Variants in DOCK7 observed in about 807,000 individuals in gnomAD.
The protein encoded by DOCK7 is dedicator of cytokinesis protein 7.
Under a neutral mutation model 271.0 loss-of-function variants are expected in DOCK7, and 138 were observed. That is an observed-to-expected ratio of 0.51 (90% CI 0.44 to 0.59). The LOEUF is 0.59. Among genes scored for constraint, DOCK7 ranks in the 20% least tolerant of loss-of-function variants. The pLI is 0.00. For missense variants in DOCK7, 2,066 were observed against 2,592.4 expected (o/e 0.80, Z 4.41); for synonymous variants, 823 against 876.1 (o/e 0.94, Z 1.07).
rs1287642780 is a variant in DOCK7, at chr1:62,664,222, C to T, written c.39-1092G>A. ...GTAGAAATAGGGTGATATGGTTTAA[C>T]TGTGTCCCCACCCAAATCTCATCTT... On this transcript the variant is annotated intron_variant, in intron 1 of 49. Coordinates refer to ENST00000635253, the MANE Select transcript of DOCK7 (RefSeq NM_001367561.1). Among the ~76,000 whole-genome samples the T allele has an allele frequency of 2.6e-5, 4 of 152,208 alleles. No individual in the cohort carries two copies. The East Asian group carries it at 7.7e-4, about 29-fold the overall frequency.
intron 37 of DOCK7, among the ~76,000 whole-genome samples, chr1:62,499,458 T>G (rs1646716912): frequency 6.6e-6 from 1 of 152,168 alleles, no homozygotes; most frequent in Non-Finnish European, 1.5e-5. Flanking sequence ...AATGGGAGGT[T>G]GCCAACACAA....
intron 11 of DOCK7, among the ~76,000 whole-genome samples, chr1:62,629,984 T>C (rs1157013457): frequency 1.3e-5 from 2 of 152,200 alleles, no homozygotes; most frequent in Non-Finnish European, 2.9e-5. Flanking sequence ...GGGTCACAAA[T>C]GGCCGAAGCC....
intron 35 of DOCK7, 50 bp downstream of exon 35, chr1:62,507,912 C>A: frequency 6.4e-7 from 1 of 1,555,542 alleles, no homozygotes; most frequent in South Asian, 1.1e-5. Flanking sequence ...TTCCCTCCAA[C>A]CTCAATTTAC....
chr1:62,579,402 G>A (rs999587994), intron 16 of DOCK7, among the ~76,000 whole-genome samples: 48 of 151,956 alleles, frequency 3.2e-4, no homozygotes, highest in African/African-American at 1.1e-3. Context: ...AAAAAAATGG[G>A]AAAAAAGGCA....
At chr1:62,639,274 T>C (rs879881961) in intron 7 of DOCK7, among the ~76,000 whole-genome samples, 1 of 152,114 alleles carries the variant, frequency 6.6e-6, no homozygotes, top group Non-Finnish European at 1.5e-5. Context: ...CTAATTTACT[T>C]ATTCAGAAAA....
intron 35 of DOCK7, 22 bp downstream of exon 35, chr1:62,507,940 T>C (rs1237475478): frequency 5.0e-6 from 8 of 1,603,128 alleles, no homozygotes; most frequent in Non-Finnish European, 6.8e-6. Context: ...GTATTTTAAA[T>C]TTCTCTTCTT....
chr1:62,466,265 T>A (rs1206182940), intron 48 of DOCK7, among the ~76,000 whole-genome samples: 2 of 151,724 alleles, frequency 1.3e-5, no homozygotes, highest in African/African-American at 2.4e-5. Flanking sequence ...GAAAAAAAAA[T>A]GCCACAATGG....
chr1:62,637,148 TTTG>T (rs1321417399), intron 7 of DOCK7, among the ~76,000 whole-genome samples: 3 of 152,230 alleles, frequency 2.0e-5, no homozygotes, highest in African/African-American at 4.8e-5. Flanking sequence ...GTATACATAA[TTTG>T]TAGTCTGCTT....
chr1:62,632,805 C>T (rs2149627686), intron 10 of DOCK7, among the ~76,000 whole-genome samples: 1 of 152,074 alleles, frequency 6.6e-6, no homozygotes, highest in African/African-American at 2.4e-5. Flanking sequence ...GGTAAAACCC[C>T]ATCTCTACTA....
intron 14 of DOCK7, chr1:62,608,779 T>A (rs1342380049): frequency 6.6e-6 from 1 of 152,290 alleles, no homozygotes; most frequent in Non-Finnish European, 1.5e-5. Context: ...TTCCATACAC[T>A]CTGTCATCCT....
chr1:62,504,825 A>G, intron 36 of DOCK7, 43 bp from the exon 37 acceptor site: 15 of 1,597,154 alleles, frequency 9.4e-6, no homozygotes, highest in Non-Finnish European at 1.3e-5. Context: ...TTTTACAGTA[A>G]AAGTTTCTGA....
chr1:62,492,427 C>T (rs1345738582), intron 41 of DOCK7: 19 of 322,088 alleles, frequency 5.9e-5, no homozygotes, highest in African/African-American at 4.0e-4. Context: ...TAGCTGGGAC[C>T]ACAGGCATGA....
intron 31 of DOCK7, among the ~76,000 whole-genome samples, chr1:62,521,157 T>C (rs898023770): frequency 6.6e-5 from 10 of 151,904 alleles, no homozygotes; most frequent in Non-Finnish European, 1.5e-4. Context: ...ATGTAATTGA[T>C]GGGTTGAGGG....
At chr1:62,521,103 G>T (rs1048053266) in intron 31 of DOCK7, among the ~76,000 whole-genome samples, 1 of 151,934 alleles carries the variant, frequency 6.6e-6, no homozygotes, top group Non-Finnish European at 1.5e-5. Context: ...GGCCTGTCAG[G>T]GGGTAGGGGG....
At chr1:62,476,238 A>G (rs1023878897) in intron 44 of DOCK7, 82 bp from the exon 45 acceptor site, 5 of 956,526 alleles carry the variant, frequency 5.2e-6, no homozygotes, top group Non-Finnish European at 7.9e-6. Context: ...CTCCTGAGCA[A>G]AATTAGGAGA....
intron 14 of DOCK7, among the ~76,000 whole-genome samples, chr1:62,614,088 T>G (rs546021288): frequency 3.0e-4 from 45 of 152,202 alleles, no homozygotes; most frequent in Non-Finnish European, 6.2e-4. Context: ...GTATGTATTA[T>G]CACAAATTAT....
intron 1 of DOCK7, among the ~76,000 whole-genome samples, chr1:62,687,829 G>A (rs555146724): frequency 2.0e-5 from 3 of 152,142 alleles, no homozygotes; most frequent in Non-Finnish European, 4.4e-5. Flanking sequence ...GCGGAGAGAC[G>A]GGAGGGGGCG....
chr1:62,482,600 CCACCACGCTCGGCCTCAAGCTCTTAAT>C (rs1369379226), intron 43 of DOCK7: 14 of 152,348 alleles, frequency 9.2e-5, no homozygotes, highest in African/African-American at 3.1e-4. Context: ...CAGACATGAG[CCACCACGCTCGGCCTCAAGCTCTTAAT>C]TAAGCTTTAT....
chr1:62,523,973 G>C lies in DOCK7; in HGVS notation c.3936+4178C>G, dbSNP rs965901166. ...AGCAAGCCACAGAGAAGAAATATTTGAACCACTTATAACTGACAATGGACT... is the reference window on the plus strand; with the variant it reads ...AGCAAGCCACAGAGAAGAAATATTTCAACCACTTATAACTGACAATGGACT... On this transcript the variant is annotated intron_variant, in intron 31 of 49. Coordinates refer to ENST00000635253, the MANE Select transcript of DOCK7 (RefSeq NM_001367561.1). Among the ~76,000 whole-genome samples the C allele has an allele frequency of 2.0e-5, 3 of 152,092 alleles. No individual in the cohort carries two copies. In the East Asian group the frequency reaches 5.8e-4, roughly 29 times the overall value.
Sources: allele counts gnomAD v4.1 joint callset (sites outside exome capture counted in the v4.1 genomes callset), GRCh38; gene constraint gnomAD v4.1.1; transcripts MANE v1.5; gene names NCBI Gene and HGNC (gene_info 2026-07-23, HGNC 2026-07-21).